The following NLRP14 variants were observed in gnomAD, a reference collection of about 807,000 sequenced individuals.
The protein encoded by NLRP14 is NACHT, LRR and PYD domains-containing protein 14.
Under a neutral mutation model 94.7 loss-of-function variants are expected in NLRP14, and 105 were observed. The observed-to-expected ratio is 1.11, with a 90% CI of 0.95 to 1.30. The LOEUF is 1.30. NLRP14 is among the 50% of genes most tolerant of loss of function. NLRP14 has a pLI of 0.00. For synonymous variants in NLRP14, 508 were observed against 459.9 expected (o/e 1.10, Z -1.34); for missense variants, 1,362 against 1,254.1 (o/e 1.09, Z -1.30).
chr11:7,043,112 G>C lies in NLRP14; in HGVS notation c.1086G>C (p.Leu362=). Residue 362 remains leucine, a synonymous_variant, in exon 4 of 12, where the codon CTG becomes CTC. Transcript: ENST00000299481. ...GTTCACTAAAAAGCAATGAGATGCT[G>C]TTTAGCATGTGCCAAGTCCCCCTAG... The part of the protein sequence containing the change: ...VFSSLKSNEM[L]FSMCQVPLVC... 14 of 1,614,162 alleles carry C rather than the reference G, an allele frequency of 8.7e-6. No homozygotes were observed. The highest frequency in any genetic ancestry group is 1.2e-5 in the Non-Finnish European group (14 of 1,180,030).
At chr11:7,054,665 G>A (rs1386927190) in intron 6 of NLRP14, among the ~76,000 whole-genome samples, 1 of 152,016 alleles carries the variant, frequency 6.6e-6, no homozygotes, top group Non-Finnish European at 1.5e-5. Context: ...TTCCTGTAGT[G>A]TTGTTTGAAC....
intron 5 of NLRP14, among the ~76,000 whole-genome samples, chr11:7,047,077 T>C (rs182115551): frequency 6.6e-6 from 1 of 152,142 alleles, no homozygotes; most frequent in Non-Finnish European, 1.5e-5. Context: ...ACTTTCTAAA[T>C]GAAGAGCACA....
the NLRP14 span, chr11:7,089,222 C>G: frequency 6.2e-7 from 1 of 1,613,208 alleles, no homozygotes; most frequent in Non-Finnish European, 8.5e-7. Context: ...ATGGCCGCAT[C>G]GTCGAGGTGC....
chr11:7,061,940 C>T (rs1351995282), intron 9 of NLRP14, among the ~76,000 whole-genome samples: 1 of 151,978 alleles, frequency 6.6e-6, no homozygotes, highest in African/African-American at 2.4e-5. Flanking sequence ...ATGTAGCTTT[C>T]TTCTTTGAAG....
At position 7,059,877 on chromosome 11, in the gene NLRP14, C is replaced by T; in HGVS notation, c.2634-17C>T. On this transcript the variant is annotated splice_polypyrimidine_tract_variant and intron_variant, in intron 8 of 11. Transcript: ENST00000299481. ...AGAGCAATGATTCCATCTTTCTTCA[C>T]ATTGTCCTTCCTGTAGGCTGAGGCG... The T allele has an allele frequency of 6.2e-7, 1 of 1,605,456 alleles. No individual in the cohort carries two copies.
chr11:7,023,927 C>A (rs775105685), intron 1 of NLRP14, among the ~76,000 whole-genome samples: 7 of 152,036 alleles, frequency 4.6e-5, no homozygotes, highest in Non-Finnish European at 8.8e-5. Context: ...GAGGGACACA[C>A]CCCCATTACC....
Position 7,057,745 on chromosome 11 carries a change from G to A in NLRP14, c.2360G>A (p.Ser787Asn), listed in dbSNP as rs1247812289. The A allele has an allele frequency of 6.2e-7, 1 of 1,612,234 alleles. No homozygotes were observed. The highest frequency in any genetic ancestry group is 1.7e-5 in the Admixed American group (1 of 59,952). Residue 787 changes from serine to asparagine, a missense_variant, in exon 7 of 12, where the codon AGC becomes AAC. Physicochemically the swap from Ser to Asn is conservative, Grantham distance 46. Coordinates refer to ENST00000299481, the MANE Select transcript of NLRP14 (RefSeq NM_176822.4). ...NISNALIRSQ[S>N]LIFLNLSTNN... ...TCTAATGCTCTCATCAGAAGCCAGA[G>A]CCTGATATTTCTGAATCTGTCAACC...
intron 8 of NLRP14, 94 bp from the exon 9 acceptor site, chr11:7,059,796 AATAG>A: frequency 9.3e-7 from 1 of 1,080,342 alleles, no homozygotes; most frequent in Non-Finnish European, 1.4e-6. Context: ...AATGTTGGCA[AATAG>A]ATAAGGGATC....
chr11:7,080,598 T>C, the NLRP14 span, among the ~76,000 whole-genome samples: 89,021 of 151,974 alleles, frequency 0.59, 26,942 homozygotes, highest in East Asian at 0.78. Context: ...GTTTACTCCC[T>C]AGCCAGAGCT....
chr11:7,034,177 G>T (rs1400835270), intron 1 of NLRP14, among the ~76,000 whole-genome samples: 4 of 152,174 alleles, frequency 2.6e-5, no homozygotes, highest in Non-Finnish European at 5.9e-5. Context: ...TTCTCTAAGA[G>T]AGATTTGTCT....
At chr11:7,025,558 T>C (rs571478449) in intron 1 of NLRP14, among the ~76,000 whole-genome samples, 16 of 152,294 alleles carry the variant, frequency 1.1e-4, no homozygotes, top group African/African-American at 3.8e-4. Context: ...TTAGTCATTA[T>C]GCTAAATGTG....
chr11:7,057,877 G>A (rs1245083623), intron 7 of NLRP14, 30 bp downstream of exon 7: 2 of 1,592,276 alleles, frequency 1.3e-6, no homozygotes, highest in Admixed American at 1.7e-5. Flanking sequence ...TTTCTGTAGA[G>A]TCATTTTGCT....
chr11:7,059,831 A>G (rs1284861167), intron 8 of NLRP14, 63 bp from the exon 9 acceptor site: 5 of 1,401,370 alleles, frequency 3.6e-6, no homozygotes, highest in Non-Finnish European at 5.0e-6. Context: ...ATCTCTTCAG[A>G]GAAAGAAATC....
chr11:7,045,376 C>A (rs1238000761), intron 4 of NLRP14, among the ~76,000 whole-genome samples: 1 of 152,048 alleles, frequency 6.6e-6, no homozygotes, highest in Non-Finnish European at 1.5e-5. Flanking sequence ...GCTTTCCTTA[C>A]CTATGTTGTA....
chr11:7,089,591 C>G, the NLRP14 span: 8 of 1,184,420 alleles, frequency 6.8e-6, no homozygotes, highest in Non-Finnish European at 8.3e-6. Flanking sequence ...CGCGCAGGGT[C>G]GGCCCACCCC....
At chr11:7,089,782 C>T in the NLRP14 span, 6 of 1,592,328 alleles carry the variant, frequency 3.8e-6, no homozygotes, top group South Asian at 3.3e-5. Context: ...GACGGCTACT[C>T]GAGCCGAGAC....
rs965181761 is a variant in NLRP14 at position 7,042,703 on chromosome 11, A to G, written c.677A>G (p.Glu226Gly). ...LNGREINQLK[E>G]RSFAQLISKD... ...GGGAGAGAAATTAACCAGCTGAAAG[A>G]GAGAAGCTTTGCTCAATTGATATCA... Residue 226 changes from glutamate to glycine, a missense_variant, in exon 4 of 12, where the codon GAG becomes GGG. Physicochemically the swap from Glu to Gly is moderately conservative, Grantham distance 98. Coordinates refer to ENST00000299481, the MANE Select transcript of NLRP14 (RefSeq NM_176822.4). The G allele has an allele frequency of 6.2e-7, 1 of 1,614,096 alleles. No individual in the cohort carries two copies. Among genetic ancestry groups the G allele is most frequent in the African/African-American group, 1.3e-5 (1 of 74,938 alleles).
intron 1 of NLRP14, among the ~76,000 whole-genome samples, chr11:7,028,286 A>G (rs1287367706): frequency 6.6e-6 from 1 of 152,154 alleles, no homozygotes; most frequent in Non-Finnish European, 1.5e-5. Context: ...CCAAGTCAGT[A>G]TCTTAGATTT....
At chr11:7,073,089 G>A (rs1852826327), downstream of NLRP14, among the ~76,000 whole-genome samples, 1 of 152,162 alleles carries the variant, frequency 6.6e-6, no homozygotes, top group African/African-American at 2.4e-5. Context: ...TCTCCATGTG[G>A]TTTCTGCAGT....
Sources: allele counts gnomAD v4.1 joint callset (sites outside exome capture counted in the v4.1 genomes callset), GRCh38; gene constraint gnomAD v4.1.1; transcripts MANE v1.5; gene names NCBI Gene and HGNC (gene_info 2026-07-23, HGNC 2026-07-21).